Variants in EVC2 observed in about 807,000 individuals in gnomAD.
EVC2 encodes the protein EvC ciliary complex subunit 2.
A neutral mutation model predicts 149.3 loss-of-function variants in EVC2; 148 were observed. The observed-to-expected ratio is 0.99, with a 90% CI of 0.87 to 1.14. EVC2 has a LOEUF of 1.14. EVC2 is among the 50% of genes most tolerant of loss of function. The pLI, the probability that EVC2 is intolerant of heterozygous loss-of-function variation, is 0.00. For missense variants in EVC2, 1,854 were observed against 1,627.3 expected, an observed-to-expected ratio of 1.14 and a Z score of -2.40; for synonymous variants, 776 against 649.9, an observed-to-expected ratio of 1.19 and a Z score of -2.95.
chr4:5,599,733 A>C (rs930327426), intron 16 of EVC2, among the ~76,000 whole-genome samples: 6 of 152,162 alleles, frequency 3.9e-5, no homozygotes, highest in Non-Finnish European at 8.8e-5. Context: ...AAATAAAATA[A>C]AAGAAGATTC....
intron 7 of EVC2, among the ~76,000 whole-genome samples, chr4:5,668,162 A>C (rs1440531409): frequency 6.6e-6 from 1 of 152,248 alleles, no homozygotes; most frequent in East Asian, 1.9e-4. Context: ...AGGAGCTAGA[A>C]GACAACTAGC....
intron 9 of EVC2, among the ~76,000 whole-genome samples, chr4:5,643,093 C>G (rs563384545): frequency 6.6e-6 from 1 of 152,152 alleles, no homozygotes; most frequent in African/African-American, 2.4e-5. Context: ...TTTACTTAAC[C>G]TTGTTGCTAA....
the EVC2 span, among the ~76,000 whole-genome samples, chr4:5,529,800 G>C: frequency 6.7e-6 from 1 of 150,012 alleles, no homozygotes; most frequent in Non-Finnish European, 1.5e-5. The surrounding 1 kb of genome is among the most constrained non-coding windows in gnomAD (Gnocchi z 4.5). Context: ...GGGAAGAACT[G>C]ATTAAGTTAT....
chr4:5,683,591 A>AG (rs768601475), intron 6 of EVC2, among the ~76,000 whole-genome samples: 1 of 152,004 alleles, frequency 6.6e-6, no homozygotes, highest in Non-Finnish European at 1.5e-5. Flanking sequence ...CATTCTAGTG[A>AG]GGGAGTGGGG....
At chr4:5,648,615 T>C (rs2108875167) in intron 9 of EVC2, among the ~76,000 whole-genome samples, 1 of 152,340 alleles carries the variant, frequency 6.6e-6, no homozygotes, top group African/African-American at 2.4e-5. Context: ...TCTGGCATTT[T>C]GTTGGTTCTA....
At chr4:5,606,223 T>C (rs971683710) in intron 16 of EVC2, among the ~76,000 whole-genome samples, 1 of 152,126 alleles carries the variant, frequency 6.6e-6, no homozygotes, top group African/African-American at 2.4e-5. Context: ...CTCTTAATAC[T>C]CCCTTTTCCA....
chr4:5,550,603 A>T (rs920256412), intron 21 of EVC2, among the ~76,000 whole-genome samples: 2 of 152,214 alleles, frequency 1.3e-5, no homozygotes, highest in African/African-American at 2.4e-5. Flanking sequence ...TGAGAACGCA[A>T]TAGAAAAGAA....
Position 5,631,567 on chromosome 4 carries a change from T to TAG in EVC2, c.1710+225_1710+226insCT, listed in dbSNP as rs1553837131. Among the ~76,000 whole-genome samples, 870 of 148,924 alleles carry TAG rather than the reference T, an allele frequency of 5.8e-3. 3 individuals carry two copies. The highest frequency in any genetic ancestry group is 9.8e-3 in the Non-Finnish European group (660 of 67,414). ...ACTTGCTCAAGTTCACGCAGTAGAC[T>TAG]GGGGGGGGGAACTGAAATTCCAATC... On this transcript the variant is annotated intron_variant, in intron 11 of 21. Coordinates refer to ENST00000344408, the MANE Select transcript of EVC2 (RefSeq NM_147127.5).
intron 9 of EVC2, among the ~76,000 whole-genome samples, chr4:5,650,636 TATAGAGAGAGAGAGAG>T (rs1273478279): frequency 1.8e-5 from 1 of 55,666 alleles, no homozygotes; most frequent in East Asian, 6.5e-4. Context: ...TATATATATA[TATAGAGAGAGAGAGAG>T]AGAGAGAGAG....
intron 1 of EVC2, among the ~76,000 whole-genome samples, chr4:5,707,375 C>T (rs1722276717): frequency 6.6e-6 from 1 of 152,110 alleles, no homozygotes; most frequent in Admixed American, 6.5e-5. Flanking sequence ...ACACGACCCA[C>T]CACCCTAGGA....
At chr4:5,624,269 G>C (rs1047375692) in intron 13 of EVC2, among the ~76,000 whole-genome samples, 1 of 152,142 alleles carries the variant, frequency 6.6e-6, no homozygotes, top group East Asian at 1.9e-4. Flanking sequence ...GTTCTATTTG[G>C]AGAGAACATA....
chr4:5,615,466 T>A lies in EVC2; in HGVS notation c.2785A>T (p.Ile929Phe). ...ELLKKCIEDK[I>F]HLCEEQASED... ...GAGGCCTGTTCCTCACAGAGGTGAA[T>A]TTTGTCTTCGATGCACTTCTTCAGA... The change falls in exon 16 of 22, where the codon ATT becomes TTT. Residue 929 changes from isoleucine to phenylalanine, a missense_variant. Ile to Phe is a conservative substitution (Grantham distance 21, BLOSUM62 0). Coordinates refer to ENST00000344408, the MANE Select transcript of EVC2 (RefSeq NM_147127.5). The A allele has an allele frequency of 6.2e-7, 1 of 1,614,208 alleles. No homozygotes were observed. The highest frequency in any genetic ancestry group is 8.5e-7 in the Non-Finnish European group (1 of 1,180,036).
Position 5,665,537 on chromosome 4 carries a change from C to T in EVC2, c.983G>A (p.Gly328Glu), listed in dbSNP as rs370838180. The T allele has an allele frequency of 6.9e-5, 112 of 1,614,170 alleles. 1 individual carries two copies. The highest frequency in any genetic ancestry group is 1.6e-4 in the Middle Eastern group (1 of 6,062). The change falls in exon 8 of 22, where the codon GGA (glycine) becomes GAA (glutamate). Residue 328 changes from glycine (G) to glutamate (E), a missense_variant. Gly to Glu is a moderately conservative substitution (Grantham distance 98, BLOSUM62 -2). Transcript: ENST00000344408. Reference sequence around the variant, plus strand: ...CACCCGATGTCTGGTGAGCATGTTTCCCTTCAGACACTGATAGCGAACCAT... The same window carrying T: ...CACCCGATGTCTGGTGAGCATGTTTTCCTTCAGACACTGATAGCGAACCAT... ...FLMVRYQCLK[G>E]NMLTRHRVWQ...
chr4:5,529,820 T>A, the EVC2 span, among the ~76,000 whole-genome samples: 1 of 150,776 alleles, frequency 6.6e-6, no homozygotes, highest in South Asian at 2.1e-4. This position sits in a 1 kb window ranked among gnomAD's most constrained non-coding sequence, Gnocchi z 4.5. Context: ...TTTAGGTTTT[T>A]TTTTTTTTTT....
intron 16 of EVC2, among the ~76,000 whole-genome samples, chr4:5,591,344 G>T (rs1000761701): frequency 6.6e-6 from 1 of 152,132 alleles, no homozygotes; most frequent in African/African-American, 2.4e-5. Context: ...AGAAATAAAG[G>T]TCTCCTTCCC....
chr4:5,670,550 T>A lies in EVC2; in HGVS notation c.871-4901A>T, dbSNP rs1479424813. The stretch of plus-strand genomic sequence containing the variant: ...AACATCATCAATATCCCCATCACCA[T>A]CATCTTCACATTGGCCATCACCACC... On this transcript the variant is annotated intron_variant, in intron 7 of 21. Transcript: ENST00000344408. The surrounding 1 kb of genome is among the most constrained non-coding windows in gnomAD (Gnocchi z 5.2). Among the ~76,000 whole-genome samples, 1 of 150,480 alleles carries A rather than the reference T, an allele frequency of 6.6e-6. No homozygotes were observed. The highest frequency in any genetic ancestry group is 2.0e-4 in the East Asian group (1 of 5,050).
chr4:5,688,298 C>T (rs1375701191), intron 5 of EVC2, among the ~76,000 whole-genome samples: 5 of 152,062 alleles, frequency 3.3e-5, no homozygotes, highest in Non-Finnish European at 5.9e-5. Flanking sequence ...AGTACGGAGG[C>T]ATGGAGTCGG....
rs931221380 is a variant in EVC2, at chr4:5,681,046, C to G, written c.870+214G>C. On this transcript the variant is annotated intron_variant, in intron 7 of 21. Coordinates refer to ENST00000344408, the MANE Select transcript of EVC2 (RefSeq NM_147127.5). ...CTCAGCCTGTCCAGCCCACGGCCTACCTGCCTTGTCCAGGTGGAGGGTCAT... is the reference window on the plus strand; with the variant it reads ...CTCAGCCTGTCCAGCCCACGGCCTAGCTGCCTTGTCCAGGTGGAGGGTCAT... Among the ~76,000 whole-genome samples the G allele has an allele frequency of 2.0e-5, 3 of 152,202 alleles. No homozygotes were observed. The East Asian group carries it at 5.8e-4, about 29-fold the overall frequency.
At chr4:5,682,318 C>T (rs970665333) in intron 6 of EVC2, among the ~76,000 whole-genome samples, 1 of 151,172 alleles carries the variant, frequency 6.6e-6, no homozygotes, top group Non-Finnish European at 1.5e-5. Flanking sequence ...TAGTGAAACC[C>T]CATCTCTACT....
Sources: allele counts gnomAD v4.1 joint callset (sites outside exome capture counted in the v4.1 genomes callset), GRCh38; gene constraint gnomAD v4.1.1; non-coding constraint Gnocchi (gnomAD v3.1); transcripts MANE v1.5; gene names NCBI Gene and HGNC (gene_info 2026-07-23, HGNC 2026-07-21).